BTG4: variants seen among roughly 807,000 people sequenced by gnomAD.
The protein encoded by BTG4 is protein BTG4.
A neutral mutation model predicts 19.3 loss-of-function variants in BTG4; 10 were observed. The ratio of observed to expected loss-of-function variants is 0.52; its 90% CI spans 0.32 to 0.88. The LOEUF (loss-of-function observed/expected upper bound fraction) is 0.88. Ranked by LOEUF, BTG4 falls within the 40% of genes least tolerant of loss-of-function variation. The pLI is 0.04. For synonymous variants in BTG4, 91 were observed against 95.7 expected (o/e 0.95, Z 0.29); for missense variants, 238 against 281.9 (o/e 0.84, Z 1.11).
At chr11:111,488,747 G>A (rs947624191) in intron 5 of BTG4, among the ~76,000 whole-genome samples, 11 of 152,080 alleles carry the variant, frequency 7.2e-5, no homozygotes, top group African/African-American at 2.7e-4. Flanking sequence ...CAACTCAATA[G>A]GGAAAAAAAT....
At chr11:111,494,307 G>A (rs549771370), downstream of BTG4, among the ~76,000 whole-genome samples, 170 of 152,308 alleles carry the variant, frequency 1.1e-3, no homozygotes, top group Non-Finnish European at 2.4e-3. Flanking sequence ...GGACCTGGCT[G>A]AGAACAAACA....
At chr11:111,463,800 C>T (rs1354451459), downstream of BTG4, among the ~76,000 whole-genome samples, 1 of 152,190 alleles carries the variant, frequency 6.6e-6, no homozygotes, top group Non-Finnish European at 1.5e-5. Flanking sequence ...GCCAGGACTG[C>T]AGTCATCTCA....
chr11:111,482,869 C>A, intron 5 of BTG4, among the ~76,000 whole-genome samples: 2 of 150,804 alleles, frequency 1.3e-5, no homozygotes, highest in African/African-American at 2.4e-5. Context: ...TAGAGCTAGG[C>A]AAAAAGCTCT....
At chr11:111,459,953 T>C in the BTG4 span, among the ~76,000 whole-genome samples, 1 of 152,080 alleles carries the variant, frequency 6.6e-6, no homozygotes, top group African/African-American at 2.4e-5. Flanking sequence ...TGCCCAAAGA[T>C]TCCAAAACCC....
chr11:111,448,169 C>G, the BTG4 span, among the ~76,000 whole-genome samples: 1 of 152,212 alleles, frequency 6.6e-6, no homozygotes, highest in African/African-American at 2.4e-5. Flanking sequence ...ACCCTCAGGA[C>G]TGCGGGAATG....
intron 1 of BTG4, among the ~76,000 whole-genome samples, chr11:111,508,923 T>C (rs577539443): frequency 6.6e-6 from 1 of 152,070 alleles, no homozygotes; most frequent in East Asian, 1.9e-4. Flanking sequence ...TTAGAGATTG[T>C]TCTCTAAAGA....
At chr11:111,385,647 T>TTG in the BTG4 span, 2 of 152,108 alleles carry the variant, frequency 1.3e-5, no homozygotes, top group Non-Finnish European at 2.9e-5. Flanking sequence ...AACCTATCAA[T>TTG]ATAATTCACC....
At chr11:111,468,563 T>C (rs762148982) in intron 5 of BTG4, among the ~76,000 whole-genome samples, 10 of 152,224 alleles carry the variant, frequency 6.6e-5, no homozygotes, top group Non-Finnish European at 1.3e-4. Context: ...AGATCTCAGA[T>C]TGTCTGATTC....
chr11:111,447,419 C>A, the BTG4 span, among the ~76,000 whole-genome samples: 2 of 152,230 alleles, frequency 1.3e-5, no homozygotes, highest in African/African-American at 2.4e-5. Flanking sequence ...TGGCTGTACA[C>A]GCACCAAAGG....
the BTG4 span, chr11:111,414,395 G>A: frequency 1.3e-5 from 2 of 152,140 alleles, no homozygotes; most frequent in Non-Finnish European, 2.9e-5. Flanking sequence ...TTGGCCTGAT[G>A]GTCCCTTCCT....
intron 5 of BTG4, among the ~76,000 whole-genome samples, chr11:111,471,818 C>G (rs1245383184): frequency 1.3e-5 from 2 of 152,192 alleles, no homozygotes; most frequent in Non-Finnish European, 2.9e-5. Flanking sequence ...TTTTTAATTT[C>G]TTTCCAAACC....
At chr11:111,512,515 G>C (rs1379520286), upstream of BTG4, among the ~76,000 whole-genome samples, 4 of 152,170 alleles carry the variant, frequency 2.6e-5, no homozygotes, top group Non-Finnish European at 5.9e-5. Context: ...GGGCGCACGG[G>C]GTCGAGAGAG....
At chr11:111,392,560 G>A in the BTG4 span, among the ~76,000 whole-genome samples, 1 of 152,146 alleles carries the variant, frequency 6.6e-6, no homozygotes, top group East Asian at 1.9e-4. Flanking sequence ...AGGGCCAGAG[G>A]ACTTGCATTT....
At chr11:111,428,379 T>C in the BTG4 span, among the ~76,000 whole-genome samples, 2 of 152,150 alleles carry the variant, frequency 1.3e-5, no homozygotes, top group African/African-American at 2.4e-5. Context: ...CCCACTGTAT[T>C]GTTTCTGCTG....
the BTG4 span, among the ~76,000 whole-genome samples, chr11:111,445,939 A>G: frequency 1.3e-5 from 2 of 152,304 alleles, no homozygotes; most frequent in East Asian, 3.9e-4. Flanking sequence ...TTCACCAGCC[A>G]AGTACAACCT....
chr11:111,500,282 G>A (rs139375702), intron 1 of BTG4, among the ~76,000 whole-genome samples: 292 of 152,266 alleles, frequency 1.9e-3, no homozygotes, highest in African/African-American at 6.4e-3. Context: ...CCCATTAAGC[G>A]TTAAGAAGCC....
intron 5 of BTG4, chr11:111,473,279 CT>C (rs1864187738): frequency 6.6e-6 from 1 of 152,584 alleles, no homozygotes; most frequent in Non-Finnish European, 1.5e-5. Flanking sequence ...AGTATTAACT[CT>C]GTCTTCCACA....
chr11:111,468,526 C>T (rs1264254495), intron 5 of BTG4, among the ~76,000 whole-genome samples: 1 of 152,226 alleles, frequency 6.6e-6, no homozygotes, highest in African/African-American at 2.4e-5. Flanking sequence ...GTCTATGCAG[C>T]TGCCACTCAC....
At chr11:111,438,501 A>C in the BTG4 span, among the ~76,000 whole-genome samples, 2 of 152,248 alleles carry the variant, frequency 1.3e-5, no homozygotes, top group South Asian at 4.2e-4. Context: ...CTCATGGGCC[A>C]TTTCCCCCAG....
Sources: allele counts gnomAD v4.1 joint callset (sites outside exome capture counted in the v4.1 genomes callset), GRCh38; gene constraint gnomAD v4.1.1; transcripts MANE v1.5; gene names NCBI Gene and HGNC (gene_info 2026-07-23, HGNC 2026-07-21).